The following PPP3R1 variants were observed in gnomAD, a reference collection of about 807,000 sequenced individuals.
The protein encoded by PPP3R1 is calcineurin subunit B type 1.
PPP3R1 carries 5 observed loss-of-function variants against 22.6 expected under a neutral mutation model. That is an observed-to-expected ratio of 0.22 (90% CI 0.12 to 0.46). PPP3R1 has a LOEUF of 0.46. Among genes scored for constraint, PPP3R1 ranks in the 20% least tolerant of loss-of-function variants. PPP3R1 has a pLI of 0.99. For missense variants in PPP3R1, 61 were observed against 203.2 expected, an observed-to-expected ratio of 0.30 and a Z score of 4.25; for synonymous variants, 56 against 65.2, an observed-to-expected ratio of 0.86 and a Z score of 0.68.
rs1342012849 is a variant in PPP3R1 at position 68,252,181 on chromosome 2, C to G, written c.-54G>C. On this transcript the variant is annotated 5_prime_UTR_variant, in exon 1 of 6. Coordinates refer to ENST00000234310, the MANE Select transcript of PPP3R1 (RefSeq NM_000945.4). ...CTCGCTGGCTCGGAGAAGTGTTGCG[C>G]TCAGGCTGGCTCGCAGGAAACGGCG... 4.5e-6 allele frequency: 6 copies of G among 1,322,286 alleles called. No homozygotes were observed. In the East Asian group the frequency reaches 2.2e-4, roughly 48 times the overall value. The allele number at this position is 1,322,286 out of a possible 1,614,324, so 81.9% of individuals were successfully genotyped here.
chr2:68,240,465 TCA>T (rs1257164170), intron 1 of PPP3R1, among the ~76,000 whole-genome samples: 13 of 152,194 alleles, frequency 8.5e-5, no homozygotes, highest in African/African-American at 3.1e-4. Flanking sequence ...ATGCCCATTC[TCA>T]CAGAGTTCAC....
At chr2:68,222,335 T>A (rs1453222366) in intron 1 of PPP3R1, among the ~76,000 whole-genome samples, 1 of 152,196 alleles carries the variant, frequency 6.6e-6, no homozygotes, top group Non-Finnish European at 1.5e-5. Flanking sequence ...ATGGTATCAT[T>A]GTGATGGTTA....
At chr2:68,199,821 C>T (rs976613127) in intron 2 of PPP3R1, among the ~76,000 whole-genome samples, 8 of 152,156 alleles carry the variant, frequency 5.3e-5, no homozygotes, top group African/African-American at 1.9e-4. Flanking sequence ...TTTTTACACA[C>T]CACCGAATTT....
At chr2:68,225,254 G>A (rs1385789404) in intron 1 of PPP3R1, among the ~76,000 whole-genome samples, 2 of 152,202 alleles carry the variant, frequency 1.3e-5, no homozygotes, top group African/African-American at 4.8e-5. Flanking sequence ...AGGTGGCCCT[G>A]ACCTGTAAGA....
In PPP3R1 at chr2:68,217,038, A is replaced by G. The variant is rs13395821; in HGVS notation, c.43+54T>C. 1.3e-3 allele frequency: 1,669 copies of G among 1,265,966 alleles called. 89 individuals carry two copies. The highest frequency in any genetic ancestry group is 1.7e-3 in the Non-Finnish European group (1,500 of 909,054). The allele number at this position is 1,265,966 out of a possible 1,614,324, so 78.4% of individuals were successfully genotyped here. On this transcript the variant is annotated intron_variant, in intron 2 of 5. Coordinates refer to ENST00000234310, the MANE Select transcript of PPP3R1 (RefSeq NM_000945.4). ...CACACACACACACACACACACACAC[A>G]CAGAGAGAGATGAGTGAATAAAAGT... is the stretch of plus-strand genomic sequence containing the variant.
At chr2:68,225,210 T>A (rs1321898199) in intron 1 of PPP3R1, among the ~76,000 whole-genome samples, 2 of 152,170 alleles carry the variant, frequency 1.3e-5, no homozygotes, top group African/African-American at 4.8e-5. Context: ...GTAATTAAGG[T>A]CCCAAATCAA....
intron 2 of PPP3R1, among the ~76,000 whole-genome samples, chr2:68,200,428 T>C (rs959386355): frequency 7.2e-5 from 11 of 152,084 alleles, no homozygotes; most frequent in Non-Finnish European, 1.3e-4. Context: ...AGCTGAACAT[T>C]TATAACAATC....
intron 1 of PPP3R1, among the ~76,000 whole-genome samples, chr2:68,245,216 G>A (rs551524427): frequency 4.3e-4 from 65 of 152,084 alleles, no homozygotes; most frequent in Non-Finnish European, 7.2e-4. Flanking sequence ...ACAAAAATTA[G>A]CTGGGTGTAG....
At chr2:68,195,056 T>TG (rs1674739584) in intron 2 of PPP3R1, among the ~76,000 whole-genome samples, 1 of 152,114 alleles carries the variant, frequency 6.6e-6, no homozygotes. Context: ...CTCATGTATG[T>TG]GGTTTAATAT....
At chr2:68,187,192 C>G in intron 4 of PPP3R1, 63 bp downstream of exon 4, 1 of 1,303,448 alleles carries the variant, frequency 7.7e-7, no homozygotes, top group African/African-American at 1.5e-5. Flanking sequence ...AAAAAGCATT[C>G]TATAATACAG....
intron 2 of PPP3R1, among the ~76,000 whole-genome samples, chr2:68,215,529 G>C (rs984456820): frequency 3.3e-5 from 5 of 152,074 alleles, no homozygotes; most frequent in African/African-American, 1.2e-4. Flanking sequence ...AACAAACTCT[G>C]ACTCACTTCT....
Position 68,236,198 on chromosome 2 carries a change from T to G in PPP3R1, c.3+15927A>C, listed in dbSNP as rs139970430. On this transcript the variant is annotated intron_variant, in intron 1 of 5. Coordinates refer to ENST00000234310, the MANE Select transcript of PPP3R1 (RefSeq NM_000945.4). ...GATGATATACAATTTACCTTTTTTTTCTTTCATTGCTTGTGGTTTTGGTAT... is the reference window on the plus strand; with the variant it reads ...GATGATATACAATTTACCTTTTTTTGCTTTCATTGCTTGTGGTTTTGGTAT... Among the ~76,000 whole-genome samples, 427 of 152,318 alleles carry G rather than the reference T, an allele frequency of 2.8e-3. 2 individuals carry two copies. The highest frequency in any genetic ancestry group is 6.6e-3 in the African/African-American group (274 of 41,586).
intron 1 of PPP3R1, among the ~76,000 whole-genome samples, chr2:68,231,282 G>A (rs1401237206): frequency 6.6e-6 from 1 of 151,804 alleles, no homozygotes; most frequent in Non-Finnish European, 1.5e-5. Flanking sequence ...CTGGGCTACT[G>A]TATTGTTTAT....
chr2:68,225,508 C>A (rs1291357749), intron 1 of PPP3R1, among the ~76,000 whole-genome samples: 1 of 152,212 alleles, frequency 6.6e-6, no homozygotes, highest in Non-Finnish European at 1.5e-5. Context: ...TTCCCCAGAA[C>A]CTCCACAGGA....
rs1670380239 is a variant in PPP3R1 at position 68,252,187 on chromosome 2, C to G, written c.-60G>C. On this transcript the variant is annotated 5_prime_UTR_variant, in exon 1 of 6. Coordinates refer to ENST00000234310, the MANE Select transcript of PPP3R1 (RefSeq NM_000945.4). ...GGCTCGGAGAAGTGTTGCGCTCAGGCTGGCTCGCAGGAAACGGCGGCGGCG... is the reference window on the plus strand; with the variant it reads ...GGCTCGGAGAAGTGTTGCGCTCAGGGTGGCTCGCAGGAAACGGCGGCGGCG... 31 of 1,310,142 alleles carry G rather than the reference C, an allele frequency of 2.4e-5. No homozygotes were observed. The highest frequency in any genetic ancestry group is 3.0e-5 in the Non-Finnish European group (30 of 1,004,296). The allele number at this position is 1,310,142 out of a possible 1,614,324, so 81.2% of individuals were successfully genotyped here.
chr2:68,235,977 C>A (rs1191716872), intron 1 of PPP3R1, among the ~76,000 whole-genome samples: 1 of 152,152 alleles, frequency 6.6e-6, no homozygotes, highest in Non-Finnish European at 1.5e-5. Flanking sequence ...CTGACATCTT[C>A]ATATCTTCTC....
At chr2:68,213,868 C>A (rs182686784) in intron 2 of PPP3R1, among the ~76,000 whole-genome samples, 8 of 152,208 alleles carry the variant, frequency 5.3e-5, no homozygotes, top group Middle Eastern at 3.4e-3. Flanking sequence ...CCAAGGCAAT[C>A]CTAAGCAAAA....
intron 1 of PPP3R1, among the ~76,000 whole-genome samples, chr2:68,218,135 C>A (rs1368709973): frequency 6.6e-6 from 1 of 152,068 alleles, no homozygotes; most frequent in African/African-American, 2.4e-5. Context: ...ATTTATCTAA[C>A]CTTGACCCTG....
At chr2:68,232,920 TATA>T (rs1407130118) in intron 1 of PPP3R1, among the ~76,000 whole-genome samples, 1 of 152,198 alleles carries the variant, frequency 6.6e-6, no homozygotes, top group African/African-American at 2.4e-5. Context: ...ATTATATTTC[TATA>T]ATAATATTAT....
Sources: allele counts gnomAD v4.1 joint callset (sites outside exome capture counted in the v4.1 genomes callset), GRCh38; gene constraint gnomAD v4.1.1; transcripts MANE v1.5; gene names NCBI Gene and HGNC (gene_info 2026-07-23, HGNC 2026-07-21).